The following LIMS2 variants were observed in gnomAD, a reference collection of about 807,000 sequenced individuals.
LIMS2 encodes the protein LIM and senescent cell antigen-like-containing domain protein 2.
In LIMS2, 30 loss-of-function variants were observed where a neutral mutation model predicts 45.3. The observed-to-expected ratio is 0.66, with a 90% CI of 0.50 to 0.90. The LOEUF is 0.90. LIMS2 is among the 40% of genes least tolerant of loss of function. LIMS2 has a pLI of 0.00. For synonymous variants in LIMS2, 173 were observed against 188.0 expected, an observed-to-expected ratio of 0.92 and a Z score of 0.65; for missense variants, 485 against 468.7, an observed-to-expected ratio of 1.03 and a Z score of -0.32.
chr2:127,656,173 C>T (rs576499270), intron 2 of LIMS2: 1 of 152,192 alleles, frequency 6.6e-6, no homozygotes, highest in Non-Finnish European at 1.5e-5. Flanking sequence ...AAAATTGTAT[C>T]CCATTGTACG....
intron 2 of LIMS2, among the ~76,000 whole-genome samples, chr2:127,656,419 T>C (rs528986477): frequency 1.3e-4 from 20 of 149,492 alleles, no homozygotes; most frequent in Middle Eastern, 3.4e-3. Flanking sequence ...TTCTTTCTTT[T>C]TTTTTTTTTT....
upstream of LIMS2, among the ~76,000 whole-genome samples, chr2:127,676,824 G>A (rs72846210): frequency 0.074 from 11,228 of 152,276 alleles, 485 homozygotes; most frequent in Middle Eastern, 0.15. Flanking sequence ...TGCTGGGGCC[G>A]TGCACCAGAA....
intron 1 of LIMS2, among the ~76,000 whole-genome samples, chr2:127,659,355 T>C (rs573469510): frequency 6.6e-6 from 1 of 152,142 alleles, no homozygotes; most frequent in Non-Finnish European, 1.5e-5. Context: ...GCAACAGGAG[T>C]TGGGAAGAAA....
In LIMS2 at chr2:127,642,547, C is replaced by T; in HGVS notation, c.510-348G>A. On this transcript the variant is annotated intron_variant, in intron 5 of 9. Transcript: ENST00000355119. The surrounding 1 kb of genome is among the most constrained non-coding windows in gnomAD (Gnocchi z 5.3). ...CGGTGGGGGTGGGCGAGGACGGGGG[C>T]TGAGGGGCTGCCTATGCAACTCCTC... 2.7e-6 allele frequency: 1 copy of T among 365,274 alleles called. No individual in the cohort carries two copies. The highest frequency in any genetic ancestry group is 5.0e-6 in the Non-Finnish European group (1 of 200,194). The allele number at this position is 365,274 out of a possible 1,614,324, so 22.6% of individuals were successfully genotyped here.
chr2:127,640,306 C>T lies in LIMS2; in HGVS notation c.766G>A (p.Val256Ile), dbSNP rs775275678. 6.2e-6 allele frequency: 10 copies of T among 1,612,896 alleles called. No individual in the cohort carries two copies. The highest frequency in any genetic ancestry group is 4.5e-5 in the East Asian group (2 of 44,888). Residue 256 changes from valine (V) to isoleucine (I), a missense_variant, in exon 8 of 10, where the codon GTC (valine) becomes ATC (isoleucine). Transcript: ENST00000355119. ...ATCACATGGCTGCAGTTGTAGCAGA[C>T]GTCCCCGAAGAGCTGTGGGCCGAGC... is the stretch of plus-strand genomic sequence containing the variant. ...ETHYNQLFGDVCYNCSHVIEG... is the reference protein window; with the variant it reads ...ETHYNQLFGDICYNCSHVIEG...
chr2:127,651,142 C>G, intron 4 of LIMS2: 1 of 1,613,276 alleles, frequency 6.2e-7, no homozygotes, highest in Non-Finnish European at 8.5e-7. Context: ...ATTGTGCACC[C>G]GGTCAAGTCC....
At position 127,655,978 on chromosome 2, in the gene LIMS2, G is replaced by A. The variant is rs527592537; in HGVS notation, c.172-1082C>T. 2.6e-5 allele frequency: 4 copies of A among 152,360 alleles called. No individual in the cohort carries two copies. The South Asian group carries it at 6.2e-4, about 24-fold the overall frequency. The allele number at this position is 152,360 out of a possible 1,614,324, so 9.4% of individuals were successfully genotyped here. On this transcript the variant is annotated intron_variant, in intron 2 of 9. Coordinates refer to ENST00000355119, the MANE Select transcript of LIMS2 (RefSeq NM_001161403.3). ...GGGCGTTTGCCAGTGTCCATGGTGT[G>A]AATATTCCCGTCATGGCCAACTCCT...
chr2:127,659,579 G>A (rs1558893124), intron 1 of LIMS2, among the ~76,000 whole-genome samples: 1 of 152,222 alleles, frequency 6.6e-6, no homozygotes, highest in African/African-American at 2.4e-5. Flanking sequence ...CACCCAAGGT[G>A]GCAGGGAGGA....
intron 4 of LIMS2, chr2:127,650,912 C>T (rs925926161): frequency 3.1e-6 from 5 of 1,614,064 alleles, no homozygotes; most frequent in Non-Finnish European, 3.4e-6. Context: ...TCATCCGAGA[C>T]CACAAGTCCG....
rs1332347975 is a variant in LIMS2 at position 127,638,959 on chromosome 2, C to T, written c.*322G>A. 1.6e-5 allele frequency: 5 copies of T among 321,328 alleles called. No individual in the cohort carries two copies. In the East Asian group the frequency reaches 2.2e-4, roughly 14 times the overall value. 19.9% of individuals were successfully genotyped at this position (321,328 alleles called of 1,614,324 possible). ...GCCGCCTGGGGAGGGCCAGGCCAGG[C>T]GGGGAGCTGTGGTGCAATTTGCTCC... is the stretch of plus-strand genomic sequence containing the variant. On this transcript the variant is annotated 3_prime_UTR_variant, in exon 10 of 10. Transcript: ENST00000355119.
At position 127,642,826 on chromosome 2, in the gene LIMS2, T is replaced by A. The variant is rs1573756538; in HGVS notation, c.509+97A>T. The A allele has an allele frequency of 7.3e-6, 10 of 1,360,630 alleles. No homozygotes were observed. The South Asian group carries it at 1.2e-4, about 17-fold the overall frequency. The allele number at this position is 1,360,630 out of a possible 1,614,324, so 84.3% of individuals were successfully genotyped here. A position where few individuals can be genotyped will look rare whatever the true frequency, so the allele number is the denominator to read the frequency against. On this transcript the variant is annotated intron_variant, in intron 5 of 9. Coordinates refer to ENST00000355119, the MANE Select transcript of LIMS2 (RefSeq NM_001161403.3). The surrounding 1 kb of genome is among the most constrained non-coding windows in gnomAD (Gnocchi z 5.3). ...TCTGCCCACCCTGCTCCCCTCTCCC[T>A]CCTCAACACTTCCCCAGGTGGAGGC... is the stretch of plus-strand genomic sequence containing the variant.
intron 1 of LIMS2, among the ~76,000 whole-genome samples, chr2:127,668,683 A>C (rs1267087298): frequency 6.8e-5 from 8 of 118,262 alleles, no homozygotes; most frequent in Non-Finnish European, 1.2e-4. Context: ...AAAAAAAAAA[A>C]AAAAAAAAAA....
In LIMS2 at chr2:127,664,508, G is replaced by C; in HGVS notation, c.12-6946C>G. On this transcript the variant is annotated intron_variant, in intron 1 of 9. Transcript: ENST00000355119. The surrounding 1 kb of genome is among the most constrained non-coding windows in gnomAD (Gnocchi z 5.5). Reference sequence around the variant, plus strand: ...AGACACCAAGACGGGACGGGCGTGTGGGCGCCTCCCCCGCGCTGGTCGCGA... The same window carrying C: ...AGACACCAAGACGGGACGGGCGTGTCGGCGCCTCCCCCGCGCTGGTCGCGA... 8.7e-7 allele frequency: 1 copy of C among 1,155,428 alleles called. No individual in the cohort carries two copies. Among genetic ancestry groups the C allele is most frequent in the Non-Finnish European group, 1.1e-6 (1 of 939,316 alleles). The allele number at this position is 1,155,428 out of a possible 1,614,324, so 71.6% of individuals were successfully genotyped here.
chr2:127,664,305 C>T lies in LIMS2; in HGVS notation c.12-6743G>A, dbSNP rs1303828334. On this transcript the variant is annotated intron_variant, in intron 1 of 9. Coordinates refer to ENST00000355119, the MANE Select transcript of LIMS2 (RefSeq NM_001161403.3). The surrounding 1 kb of genome is among the most constrained non-coding windows in gnomAD (Gnocchi z 5.5). ...CACCCGCCCCGCCCCTGGCCACCTA[C>T]CCCGTGGCTGGCGGCGGGCTCTGCC... is the stretch of plus-strand genomic sequence containing the variant. The T allele has an allele frequency of 7.3e-6, 9 of 1,235,992 alleles. No homozygotes were observed. The African/African-American group carries it at 1.3e-4, about 17-fold the overall frequency. The allele number at this position is 1,235,992 out of a possible 1,614,324, so 76.6% of individuals were successfully genotyped here.
At chr2:127,669,050 G>A (rs1476838692) in intron 1 of LIMS2, among the ~76,000 whole-genome samples, 2 of 152,110 alleles carry the variant, frequency 1.3e-5, no homozygotes, top group Non-Finnish European at 2.9e-5. Flanking sequence ...CCAAGATCTT[G>A]CCACTGCACT....
At chr2:127,660,929 G>T (rs1033388686) in intron 1 of LIMS2, among the ~76,000 whole-genome samples, 3 of 150,132 alleles carry the variant, frequency 2.0e-5, no homozygotes, top group East Asian at 2.0e-4. Context: ...AGGTGGGGGT[G>T]GGGGGGGCGG....
Position 127,669,239 on chromosome 2 carries a change from G to A in LIMS2, c.11+5775C>T, listed in dbSNP as rs79733344. On this transcript the variant is annotated intron_variant, in intron 1 of 9. Coordinates refer to ENST00000355119, the MANE Select transcript of LIMS2 (RefSeq NM_001161403.3). ...ACATGCTAACAGTATAAAACTCCTA[G>A]AAGAAAACAGATGTTTTCATTTCAT... Among the ~76,000 whole-genome samples, 1,208 of 152,204 alleles carry A rather than the reference G, an allele frequency of 7.9e-3. 11 individuals carry two copies. The highest frequency in any genetic ancestry group is 0.013 in the Non-Finnish European group (890 of 68,012).
intron 9 of LIMS2, 23 bp from the exon 10 acceptor site, chr2:127,639,451 A>G (rs753399686): frequency 4.3e-6 from 7 of 1,612,630 alleles, no homozygotes; most frequent in Non-Finnish European, 5.1e-6. Flanking sequence ...CTGAGCTGTC[A>G]GCAGAGCCCC....
At chr2:127,661,657 A>C (rs1684669690) in intron 1 of LIMS2, among the ~76,000 whole-genome samples, 1 of 152,194 alleles carries the variant, frequency 6.6e-6, no homozygotes, top group Non-Finnish European at 1.5e-5. Context: ...GGGGGAGAGC[A>C]CACCATCTCA....
Sources: allele counts gnomAD v4.1 joint callset (sites outside exome capture counted in the v4.1 genomes callset), GRCh38; gene constraint gnomAD v4.1.1; non-coding constraint Gnocchi (gnomAD v3.1); transcripts MANE v1.5; gene names NCBI Gene and HGNC (gene_info 2026-07-23, HGNC 2026-07-21).